Variants in ZNF208 observed in about 807,000 individuals in gnomAD.
ZNF208 encodes zinc finger protein 208.
A neutral mutation model predicts 12.1 loss-of-function variants in ZNF208; 10 were observed. That is an observed-to-expected ratio of 0.83 (90% CI 0.51 to 1.40). The LOEUF (loss-of-function observed/expected upper bound fraction) is 1.40. Among genes scored for constraint, ZNF208 ranks in the 40% most tolerant of loss-of-function variants. The probability of loss-of-function intolerance (pLI) is 0.00; values close to 1 mark genes in which losing one functional copy is unlikely to be tolerated. For synonymous variants in ZNF208, 497 were observed against 488.4 expected (o/e 1.02, Z -0.23); for missense variants, 1,652 against 1,485.0 (o/e 1.11, Z -1.85).
At chr19:21,954,409 G>T (rs561679203) in intron 4 of ZNF208, among the ~76,000 whole-genome samples, 5 of 152,192 alleles carry the variant, frequency 3.3e-5, no homozygotes, top group African/African-American at 1.2e-4. Flanking sequence ...CTGTCTCACT[G>T]ATCTGTCTAA....
chr19:21,939,977 T>A (rs1489856034), intron 4 of ZNF208: 1 of 152,122 alleles, frequency 6.6e-6, no homozygotes, highest in Admixed American at 6.5e-5. Flanking sequence ...GCAAAGCAAC[T>A]AACACAAAAA....
In ZNF208 at chr19:21,946,962, T is replaced by C. The variant is rs566909934; in HGVS notation, c.306-13725A>G. 8.5e-5 allele frequency among the ~76,000 whole-genome samples: 13 copies of C among 152,156 alleles called. No homozygotes were observed. The East Asian group carries it at 1.9e-3, about 23-fold the overall frequency. On this transcript the variant is annotated intron_variant, in intron 4 of 4. Transcript: ENST00000599916. ...TCCAGTCTTTTTTTTTTCATTTCAT[T>C]TTTTTTCTTCTTCTTCTTTTTTTTG...
At chr19:21,959,345 C>T (rs1240243766) in intron 4 of ZNF208, among the ~76,000 whole-genome samples, 1 of 152,202 alleles carries the variant, frequency 6.6e-6, no homozygotes, top group East Asian at 1.9e-4. Flanking sequence ...TCACTTTAGT[C>T]TCAATTCCCA....
intron 1 of ZNF208, among the ~76,000 whole-genome samples, chr19:22,009,871 T>C (rs1281101853): frequency 6.6e-6 from 1 of 152,062 alleles, no homozygotes; most frequent in Non-Finnish European, 1.5e-5. Flanking sequence ...CCAAGAAACT[T>C]CCATCTTGAT....
chr19:21,971,233 G>A lies in ZNF208; in HGVS notation c.3801C>T (p.Val1267=). ...TATGAATTTTCTTATGTTTACTGAA[G>A]ACTGATAACCAGCTGAAGGCTTTGC... ...ECGKAFSWLS[V]FSKHKKIHTG... is the part of the protein sequence containing the mutation. Residue 1267 remains valine (V), a synonymous_variant, in exon 4 of 4, where the codon GTC becomes GTT. Transcript: ENST00000397126. 4.3e-6 allele frequency: 7 copies of A among 1,612,322 alleles called. No homozygotes were observed. Among genetic ancestry groups the A allele is most frequent in the African/African-American group, 1.3e-5 (1 of 74,862 alleles).
Position 21,971,515 on chromosome 19 carries a change from T to C in ZNF208, c.3519A>G (p.Glu1173=), listed in dbSNP as rs1209323919. Residue 1173 remains glutamate, a synonymous_variant, in exon 4 of 4, where the codon GAA becomes GAG. Transcript: ENST00000397126. ...AGAACATAACAAAGCCTTTGCCACA[T>C]TCTTCACATTTGTAGGGTTTCTCTA... ...HTVEKPYKCE[E]CGKGFVMFSI... is the part of the protein sequence containing the mutation. The C allele has an allele frequency of 6.2e-6, 10 of 1,611,192 alleles. No homozygotes were observed. The highest frequency in any genetic ancestry group is 8.5e-6 in the Non-Finnish European group (10 of 1,179,838).
chr19:22,001,228 T>C (rs11671180), intron 1 of ZNF208, among the ~76,000 whole-genome samples: 6,506 of 152,118 alleles, frequency 0.043, 261 homozygotes, highest in East Asian at 0.19. Flanking sequence ...GAGGTTGCGG[T>C]GAGCCGAGAT....
At chr19:21,956,354 CT>C (rs1969976808) in intron 4 of ZNF208, among the ~76,000 whole-genome samples, 1 of 152,200 alleles carries the variant, frequency 6.6e-6, no homozygotes, top group South Asian at 2.1e-4. Flanking sequence ...AACCACTACT[CT>C]CTTCAAAGCT....
At position 21,967,413 on chromosome 19, in the gene ZNF208, T is replaced by C. The variant is rs910782919; in HGVS notation, c.*3778A>G. The stretch of plus-strand genomic sequence containing the variant: ...TTTCATTGGTCTAGATGTTTATTTT[T>C]GTACCAGAACCATGTTATACTGGTT... On this transcript the variant is annotated 3_prime_UTR_variant, in exon 4 of 4. Transcript: ENST00000397126. The C allele has an allele frequency of 1.3e-5, 2 of 152,170 alleles. No homozygotes were observed. Among genetic ancestry groups the C allele is most frequent in the African/African-American group, 4.8e-5 (2 of 41,448 alleles). 9.4% of individuals were successfully genotyped at this position (152,170 alleles called of 1,614,324 possible).
chr19:21,956,673 T>C (rs527751028), intron 4 of ZNF208, among the ~76,000 whole-genome samples: 2 of 152,218 alleles, frequency 1.3e-5, no homozygotes, highest in African/African-American at 4.8e-5. Context: ...TGCCATTTGC[T>C]AAGACCATTG....
intron 1 of ZNF208, among the ~76,000 whole-genome samples, chr19:21,994,069 G>C (rs1241850858): frequency 6.6e-6 from 1 of 152,094 alleles, no homozygotes. Flanking sequence ...CTGTTTAACT[G>C]TCATTGATTT....
chr19:21,997,207 G>C (rs1375098310), intron 1 of ZNF208, among the ~76,000 whole-genome samples: 3 of 152,208 alleles, frequency 2.0e-5, no homozygotes, highest in Non-Finnish European at 2.9e-5. Context: ...AAGACAGAAA[G>C]ACAGTGACCA....
chr19:21,985,868 T>C (rs561784315), intron 3 of ZNF208, among the ~76,000 whole-genome samples: 11 of 152,306 alleles, frequency 7.2e-5, no homozygotes, highest in African/African-American at 2.6e-4. Flanking sequence ...CATCCTATTA[T>C]AAAGCCCACC....
chr19:22,008,379 T>C (rs1037621631), intron 1 of ZNF208, among the ~76,000 whole-genome samples: 2 of 151,532 alleles, frequency 1.3e-5, no homozygotes, highest in South Asian at 2.1e-4. Flanking sequence ...GGTACAGATA[T>C]GTCTGACTCA....
In ZNF208 at chr19:21,969,051, G is replaced by A. The variant is rs1970225686; in HGVS notation, c.*2140C>T. 6.6e-6 allele frequency among the ~76,000 whole-genome samples: 1 copy of A among 152,142 alleles called. No individual in the cohort carries two copies. The highest frequency in any genetic ancestry group is 1.5e-5 in the Non-Finnish European group (1 of 68,026). Reference sequence around the variant, plus strand: ...TACAAAAAATTAGCTGGGAGTGGCGGCGGGCGCCTGTAGTCCCAGCTAATT... The same window carrying A: ...TACAAAAAATTAGCTGGGAGTGGCGACGGGCGCCTGTAGTCCCAGCTAATT... On this transcript the variant is annotated 3_prime_UTR_variant, in exon 4 of 4. Coordinates refer to ENST00000397126, the MANE Select transcript of ZNF208 (RefSeq NM_007153.3).
downstream of ZNF208, among the ~76,000 whole-genome samples, chr19:21,963,147 A>C (rs1970106006): frequency 6.6e-6 from 1 of 152,068 alleles, no homozygotes; most frequent in Non-Finnish European, 1.5e-5. Context: ...ATGATGATGA[A>C]GAGCACTTGT....
intron 3 of ZNF208, among the ~76,000 whole-genome samples, chr19:21,975,513 G>A (rs1477537626): frequency 1.3e-5 from 2 of 152,062 alleles, no homozygotes; most frequent in Non-Finnish European, 2.9e-5. Context: ...ATTGTTTTCT[G>A]ACTATGCCAG....
rs144517406 is a variant in ZNF208 at position 21,978,787 on chromosome 19, C to G, written c.227-3980G>C. Among the ~76,000 whole-genome samples, 483 of 152,180 alleles carry G rather than the reference C, an allele frequency of 3.2e-3. 3 individuals carry two copies. The highest frequency in any genetic ancestry group is 0.011 in the African/African-American group (463 of 41,530). ...GTGGGTTATAACAAACTCCTCCAAA[C>G]TAAAGGAGCATGTTCTAACCCAATG... On this transcript the variant is annotated intron_variant, in intron 3 of 3. Transcript: ENST00000397126.
At chr19:21,950,814 G>A (rs1166951300) in intron 4 of ZNF208, among the ~76,000 whole-genome samples, 1 of 152,052 alleles carries the variant, frequency 6.6e-6, no homozygotes, top group African/African-American at 2.4e-5. Context: ...GTTCATAAAA[G>A]GCCTCAACCA....
Sources: gnomAD v4.1 joint callset for allele counts (sites outside exome capture counted in the v4.1 genomes callset) on GRCh38, gnomAD v4.1.1 for gene constraint, MANE v1.5 for transcripts, NCBI Gene and HGNC (gene_info 2026-07-23, HGNC 2026-07-21) for gene names.